RABGAP1L: variants seen among roughly 807,000 people sequenced by gnomAD.
The protein encoded by RABGAP1L is rab GTPase-activating protein 1-like.
In RABGAP1L, 63 loss-of-function variants were observed where a neutral mutation model predicts 137.7. The observed-to-expected ratio is 0.46, with a 90% confidence interval of 0.37 to 0.56. The LOEUF is 0.56. Among genes scored for constraint, RABGAP1L ranks in the 20% least tolerant of loss-of-function variants. RABGAP1L has a pLI of 0.00. For synonymous variants in RABGAP1L, 431 were observed against 433.7 expected (o/e 0.99, Z 0.08); for missense variants, 1,095 against 1,244.0 (o/e 0.88, Z 1.80).
chr1:174,472,045 C>T (rs1006794852), intron 13 of RABGAP1L, among the ~76,000 whole-genome samples: 3 of 152,142 alleles, frequency 2.0e-5, no homozygotes, highest in Admixed American at 1.3e-4. Context: ...AGAAAGTGGC[C>T]GTCTGCAAGC....
chr1:174,961,949 G>A (rs1039762474), intron 20 of RABGAP1L, among the ~76,000 whole-genome samples: 1 of 150,924 alleles, frequency 6.6e-6, no homozygotes, highest in Non-Finnish European at 1.5e-5. Context: ...AAGGTCAGGA[G>A]AATCGAGACC....
chr1:174,597,420 T>C (rs1670040371), intron 13 of RABGAP1L, among the ~76,000 whole-genome samples: 1 of 152,192 alleles, frequency 6.6e-6, no homozygotes, highest in Non-Finnish European at 1.5e-5. Context: ...GAGTTTTTAA[T>C]TTTTTCCTGG....
chr1:174,943,584 C>A (rs1010425999), intron 19 of RABGAP1L, among the ~76,000 whole-genome samples: 7 of 152,110 alleles, frequency 4.6e-5, no homozygotes, highest in Admixed American at 1.3e-4. Context: ...GCCTGTAATC[C>A]CAGCACTTTG....
chr1:174,906,584 C>T lies in RABGAP1L; in HGVS notation c.2341-50873C>T, dbSNP rs575845674. Among the ~76,000 whole-genome samples the T allele has an allele frequency of 7.6e-4, 115 of 151,884 alleles. 2 individuals carry two copies. Among genetic ancestry groups the T allele is most frequent in the Middle Eastern group, 3.4e-3 (1 of 294 alleles). Reference sequence around the variant, plus strand: ...CAGAGGTTGCAGTGAGCTGAGATGGCGCCACTGCACTCTAGCCTGGGTGAC... The same window carrying T: ...CAGAGGTTGCAGTGAGCTGAGATGGTGCCACTGCACTCTAGCCTGGGTGAC... On this transcript the variant is annotated intron_variant, in intron 19 of 25. Coordinates refer to ENST00000681986, the MANE Select transcript of RABGAP1L (RefSeq NM_001366446.1).
At chr1:174,403,187 G>A (rs1648813254) in intron 13 of RABGAP1L, among the ~76,000 whole-genome samples, 1 of 150,250 alleles carries the variant, frequency 6.7e-6, no homozygotes, top group African/African-American at 2.5e-5. Context: ...TCTTTCGAAA[G>A]TGTATGTGGT....
chr1:174,441,647 T>C (rs1654164280), intron 13 of RABGAP1L, among the ~76,000 whole-genome samples: 1 of 152,066 alleles, frequency 6.6e-6, no homozygotes, highest in African/African-American at 2.4e-5. Flanking sequence ...AGCAGGAGAA[T>C]TGCTTGAACC....
intron 19 of RABGAP1L, among the ~76,000 whole-genome samples, chr1:174,840,252 T>C (rs1693232930): frequency 6.6e-6 from 1 of 152,196 alleles, no homozygotes; most frequent in South Asian, 2.1e-4. Flanking sequence ...AGCATTATTT[T>C]CCTTCTCCCT....
intron 19 of RABGAP1L, among the ~76,000 whole-genome samples, chr1:174,867,330 G>A (rs1232936406): frequency 4.0e-5 from 6 of 151,510 alleles, no homozygotes; most frequent in Non-Finnish European, 7.4e-5. Context: ...GCAGTGGGCC[G>A]AGATCGCGCC....
intron 17 of RABGAP1L, among the ~76,000 whole-genome samples, chr1:174,706,862 T>C (rs1350342076): frequency 6.6e-6 from 1 of 152,232 alleles, no homozygotes. Flanking sequence ...TCTAACTTTT[T>C]TTAGTCATCA....
chr1:174,794,295 T>G (rs1316645456), intron 18 of RABGAP1L, among the ~76,000 whole-genome samples: 1 of 152,252 alleles, frequency 6.6e-6, no homozygotes. Context: ...TTTCAGTGTT[T>G]GACTAACTCT....
intron 13 of RABGAP1L, chr1:174,548,624 C>T (rs968611820): frequency 3.4e-6 from 3 of 891,250 alleles, no homozygotes; most frequent in Non-Finnish European, 4.0e-6. Flanking sequence ...CTGCATACCA[C>T]CCATCTTCCA....
At chr1:174,419,697 A>G (rs4233181) in intron 13 of RABGAP1L, among the ~76,000 whole-genome samples, 53,529 of 152,034 alleles carry the variant, frequency 0.35, 12,077 homozygotes, top group African/African-American at 0.64. Flanking sequence ...TATGAAAGTG[A>G]GCTAAAGTTA....
chr1:174,516,136 C>G (rs941392251), intron 13 of RABGAP1L, among the ~76,000 whole-genome samples: 2 of 141,698 alleles, frequency 1.4e-5, no homozygotes, highest in Non-Finnish European at 3.2e-5. Flanking sequence ...CACACACACA[C>G]ACACACACAC....
At chr1:174,425,952 T>C (rs1371240593) in intron 13 of RABGAP1L, among the ~76,000 whole-genome samples, 2 of 152,116 alleles carry the variant, frequency 1.3e-5, no homozygotes. Flanking sequence ...ATTTGAACTA[T>C]ATTTATAAAT....
intron 10 of RABGAP1L, among the ~76,000 whole-genome samples, chr1:174,304,153 A>G (rs1281027844): frequency 6.6e-6 from 1 of 152,078 alleles, no homozygotes; most frequent in East Asian, 1.9e-4. Context: ...AATGCCCTTT[A>G]TTTTGATTAT....
intron 19 of RABGAP1L, among the ~76,000 whole-genome samples, chr1:174,820,497 G>A (rs1690903845): frequency 6.6e-6 from 1 of 152,120 alleles, no homozygotes; most frequent in Non-Finnish European, 1.5e-5. Context: ...GAGGCTAATA[G>A]CAGGAGAGTG....
chr1:174,212,373 A>G (rs1668962245), intron 1 of RABGAP1L, among the ~76,000 whole-genome samples: 1 of 152,098 alleles, frequency 6.6e-6, no homozygotes, highest in African/African-American at 2.4e-5. Flanking sequence ...CCTAATAGAA[A>G]TCAGTAACAA....
chr1:174,875,955 T>G (rs902867930), intron 19 of RABGAP1L, among the ~76,000 whole-genome samples: 1 of 152,214 alleles, frequency 6.6e-6, no homozygotes, highest in African/African-American at 2.4e-5. Flanking sequence ...TGCATTTTTT[T>G]GTTTAAATAA....
intron 18 of RABGAP1L, among the ~76,000 whole-genome samples, chr1:174,810,061 T>G (rs1689723302): frequency 6.6e-6 from 1 of 152,230 alleles, no homozygotes; most frequent in Non-Finnish European, 1.5e-5. Flanking sequence ...ATTACTAATT[T>G]GTGGACCTTT....
Sources: gnomAD v4.1 joint callset for allele counts (sites outside exome capture counted in the v4.1 genomes callset) on GRCh38, gnomAD v4.1.1 for gene constraint, MANE v1.5 for transcripts, NCBI Gene and HGNC (gene_info 2026-07-23, HGNC 2026-07-21) for gene names.